E2F4: variants seen among roughly 807,000 people sequenced by gnomAD.
E2F4 encodes the protein transcription factor E2F4.
Under a neutral mutation model 44.5 loss-of-function variants are expected in E2F4, and 16 were observed. The observed-to-expected ratio is 0.36, with a 90% CI of 0.24 to 0.55. The LOEUF (loss-of-function observed/expected upper bound fraction) is 0.55. Among genes scored for constraint, E2F4 ranks in the 20% least tolerant of loss-of-function variants. The pLI is 0.87. For missense variants in E2F4, 473 were observed against 522.1 expected, an observed-to-expected ratio of 0.91 and a Z score of 0.92; for synonymous variants, 242 against 207.2, an observed-to-expected ratio of 1.17 and a Z score of -1.44.
Position 67,193,013 on chromosome 16 carries a change from G to C in E2F4, c.250G>C (p.Val84Leu). Residue 84 changes from valine (V) to leucine (L), a missense_variant, in exon 3 of 10, where the codon GTG becomes CTG. Around this residue, in one of 3 missense-constraint regions of E2F4, gnomAD observed 119 missense variants for 175.6 expected, o/e 0.68. Transcript: ENST00000379378. Reference protein sequence around the residue: ...KSKNSIQWKGVGPGCNTREIA... With the variant: ...KSKNSIQWKGLGPGCNTREIA... Reference sequence around the variant, plus strand: ...AGCCCCACTCCCTGGGCTCAGGGGTGTGGGGCCTGGCTGCAATACCCGGGA... The same window carrying C: ...AGCCCCACTCCCTGGGCTCAGGGGTCTGGGGCCTGGCTGCAATACCCGGGA... 1 of 1,570,174 alleles carries C rather than the reference G, an allele frequency of 6.4e-7. No individual in the cohort carries two copies.
chr16:67,194,531 G>A (rs368303440), intron 5 of E2F4, 72 bp downstream of exon 5: 3 of 1,598,890 alleles, frequency 1.9e-6, no homozygotes, highest in African/African-American at 2.7e-5. Context: ...TAAGTCCTGG[G>A]TGGGGCAAGT....
Position 67,193,056 on chromosome 16 carries a change from T to C in E2F4, c.293T>C (p.Ile98Thr). The C allele has an allele frequency of 6.4e-7, 1 of 1,571,322 alleles. No homozygotes were observed. Among genetic ancestry groups the C allele is most frequent in the Non-Finnish European group, 8.6e-7 (1 of 1,157,558 alleles). Residue 98 changes from isoleucine to threonine, a missense_variant, in exon 3 of 10, where the codon ATT becomes ACT. Transcript: ENST00000379378. ...ACCCGGGAGATTGCTGACAAACTGA[T>C]TGAGCTCAAGGCAGAGATCGAGGAG... Reference protein sequence around the residue: ...CNTREIADKLIELKAEIEELQ... With the variant: ...CNTREIADKLTELKAEIEELQ...
Position 67,198,281 on chromosome 16 carries a change from C to CCTGTGCTGGCACTT in E2F4, c.*166_*179dup. On this transcript the variant is annotated 3_prime_UTR_variant, in exon 10 of 10. Coordinates refer to ENST00000379378, the MANE Select transcript of E2F4 (RefSeq NM_001950.4). ...CACAGTTCTGGCCACAGCTCCCGCT[C>CCTGTGCTGGCACTT]CTGTGCTGGCACTTCTGTGCTCGCA... 1 of 642,966 alleles carries CCTGTGCTGGCACTT rather than the reference C, an allele frequency of 1.6e-6. No individual in the cohort carries two copies. The highest frequency in any genetic ancestry group is 1.8e-5 in the South Asian group (1 of 55,844). 39.8% of individuals were successfully genotyped at this position (642,966 alleles called of 1,614,324 possible). A position where few individuals can be genotyped will look rare whatever the true frequency, so the allele number is the denominator to read the frequency against.
At chr16:67,196,372 C>CA (rs1214208935) in intron 7 of E2F4, among the ~76,000 whole-genome samples, 1 of 152,230 alleles carries the variant, frequency 6.6e-6, no homozygotes, top group Non-Finnish European at 1.5e-5. Context: ...GTCACCCCCC[C>CA]AGCCCCAGTG....
chr16:67,195,038 G>C (rs565176275), intron 6 of E2F4, 58 bp downstream of exon 6: 2 of 1,566,380 alleles, frequency 1.3e-6, no homozygotes, highest in East Asian at 2.3e-5. Context: ...CTGTGTTGTG[G>C]AACACCATGC....
chr16:67,194,438 C>G lies in E2F4; in HGVS notation c.492C>G (p.Ser164Arg). Residue 164 changes from serine (S) to arginine (R), a missense_variant, in exon 5 of 10, where the codon AGC becomes AGG. Around this residue, in one of 3 missense-constraint regions of E2F4, gnomAD observed 314 missense variants for 315.6 expected, o/e 0.99. Coordinates refer to ENST00000379378, the MANE Select transcript of E2F4 (RefSeq NM_001950.4). Reference sequence around the variant, plus strand: ...CCATCCGGGCCCCATCAGGCACCAGCCTGGAGGTGCCCATCCCAGAGGTGG... The same window carrying G: ...CCATCCGGGCCCCATCAGGCACCAGGCTGGAGGTGCCCATCCCAGAGGTGG... Reference protein sequence around the residue: ...LLAIRAPSGTSLEVPIPEGLN... With the variant: ...LLAIRAPSGTRLEVPIPEGLN... 2 of 1,614,080 alleles carry G rather than the reference C, an allele frequency of 1.2e-6. No homozygotes were observed. The highest frequency in any genetic ancestry group is 8.5e-7 in the Non-Finnish European group (1 of 1,180,030).
rs369249151 is a variant in E2F4, at chr16:67,192,374, G to A, written c.135+12G>A. On this transcript the variant is annotated intron_variant, in intron 1 of 9. Transcript: ENST00000379378. ...TTGACCTCAAGCTGGTGCGGCCTGG[G>A]CTAAGGGGAGACAAGGGAGGCTGGT... 31 of 1,429,554 alleles carry A rather than the reference G, an allele frequency of 2.2e-5. No homozygotes were observed. Among genetic ancestry groups the A allele is most frequent in the Non-Finnish European group, 2.7e-5 (29 of 1,091,014 alleles). The allele number at this position is 1,429,554 out of a possible 1,614,324, so 88.6% of individuals were successfully genotyped here.
rs1306408043 is a variant in E2F4, at chr16:67,192,201, G to C, written c.-27G>C. On this transcript the variant is annotated 5_prime_UTR_variant, in exon 1 of 10. Transcript: ENST00000379378. ...GGCGGCGCCGGCCTGGCCTGGCCTG[G>C]CTGAGGGGAGGCGGCGGGCGGGCGC... The C allele has an allele frequency of 8.1e-7, 1 of 1,234,796 alleles. No individual in the cohort carries two copies. Among genetic ancestry groups the C allele is most frequent in the African/African-American group, 1.6e-5 (1 of 63,782 alleles). 76.5% of individuals were successfully genotyped at this position (1,234,796 alleles called of 1,614,324 possible). A position where few individuals can be genotyped will look rare whatever the true frequency, so the allele number is the denominator to read the frequency against.
chr16:67,192,699 T>G, intron 1 of E2F4, 62 bp from the exon 2 acceptor site: 1 of 1,483,188 alleles, frequency 6.7e-7, no homozygotes, highest in South Asian at 1.2e-5. Flanking sequence ...CCAGACCACG[T>G]CTCAGGGTGG....
At chr16:67,197,985 C>T (rs1215898197) in intron 9 of E2F4, 23 bp from the exon 10 acceptor site, 1 of 1,614,032 alleles carries the variant, frequency 6.2e-7, no homozygotes, top group Non-Finnish European at 8.5e-7. Context: ...TGGCCCAGGG[C>T]CTGAGACTAG....
At chr16:67,197,519 T>C in intron 7 of E2F4, 80 bp from the exon 8 acceptor site, 2 of 1,458,864 alleles carry the variant, frequency 1.4e-6, no homozygotes, top group South Asian at 2.3e-5. Context: ...GTGGGTGGTA[T>C]AGGATCCGAG....
At chr16:67,193,699 C>T (rs2032924446) in intron 4 of E2F4, among the ~76,000 whole-genome samples, 184 bp downstream of exon 4, 2 of 152,164 alleles carry the variant, frequency 1.3e-5, no homozygotes, top group African/African-American at 4.8e-5. Context: ...GTCAGCTATA[C>T]CAAAAGGGTA....
intron 6 of E2F4, among the ~76,000 whole-genome samples, 192 bp downstream of exon 6, chr16:67,195,172 C>T (rs1209357263): frequency 6.6e-6 from 1 of 152,158 alleles, no homozygotes; most frequent in African/African-American, 2.4e-5. Flanking sequence ...TCACTGTGTC[C>T]CCCAGGCTGG....
intron 7 of E2F4, 94 bp downstream of exon 7, chr16:67,196,100 C>T: frequency 6.4e-7 from 1 of 1,556,202 alleles, no homozygotes; most frequent in Non-Finnish European, 8.8e-7. Context: ...CCCAGATCTC[C>T]TGTCAACCCT....
intron 7 of E2F4, among the ~76,000 whole-genome samples, chr16:67,196,599 C>G (rs974372602): frequency 1.3e-5 from 2 of 152,210 alleles, no homozygotes; most frequent in Non-Finnish European, 2.9e-5. Flanking sequence ...CCATTCCACT[C>G]CTGGAGAGGG....
chr16:67,197,076 G>C (rs1180104287), intron 7 of E2F4, among the ~76,000 whole-genome samples: 1 of 152,174 alleles, frequency 6.6e-6, no homozygotes, highest in Non-Finnish European at 1.5e-5. Flanking sequence ...ATGGCTCCTT[G>C]AGGGCCACCA....
Position 67,193,470 on chromosome 16 carries a change from A to G in E2F4, c.408-2A>G, listed in dbSNP as rs2032921142. On this transcript the variant is annotated splice_acceptor_variant, in intron 3 of 9. Transcript: ENST00000379378. LOFTEE classifies it high-confidence loss of function. ...ATCAGCCATTCTCCTTAACCCTCAC[A>G]CTTTGGCCTACGTCACTCATGAGGA... The G allele has an allele frequency of 1.9e-6, 3 of 1,613,822 alleles. No individual in the cohort carries two copies. The highest frequency in any genetic ancestry group is 1.1e-5 in the South Asian group (1 of 91,080).
rs2032896543 is a variant in E2F4, at chr16:67,192,203, T to C, written c.-25T>C. On this transcript the variant is annotated 5_prime_UTR_variant, in exon 1 of 10. Coordinates refer to ENST00000379378, the MANE Select transcript of E2F4 (RefSeq NM_001950.4). ...CGGCGCCGGCCTGGCCTGGCCTGGC[T>C]GAGGGGAGGCGGCGGGCGGGCGCGA... 1.7e-6 allele frequency: 2 copies of C among 1,201,284 alleles called. No homozygotes were observed. Among genetic ancestry groups the C allele is most frequent in the Non-Finnish European group, 1.0e-6 (1 of 968,584 alleles). The allele number at this position is 1,201,284 out of a possible 1,614,324, so 74.4% of individuals were successfully genotyped here. A position where few individuals can be genotyped will look rare whatever the true frequency, so the allele number is the denominator to read the frequency against.
intron 6 of E2F4, among the ~76,000 whole-genome samples, chr16:67,195,384 G>A (rs150173967): frequency 4.0e-4 from 61 of 152,148 alleles, no homozygotes; most frequent in Non-Finnish European, 7.1e-4. Context: ...TGCCTGCCTC[G>A]GCCTCCTGTA....
Sources: gnomAD v4.1 joint callset for allele counts (sites outside exome capture counted in the v4.1 genomes callset) on GRCh38, gnomAD v4.1.1 for gene constraint, gnomAD v4.1.1 regional missense constraint, MANE v1.5 for transcripts, NCBI Gene and HGNC (gene_info 2026-07-23, HGNC 2026-07-21) for gene names.